The following RORB variants were observed in gnomAD, a reference collection of about 807,000 sequenced individuals.
RORB encodes nuclear receptor ROR-beta.
In RORB, 6 loss-of-function variants were observed where a neutral mutation model predicts 59.1. The ratio of observed to expected loss-of-function variants is 0.10; its 90% CI spans 0.06 to 0.20. The LOEUF (loss-of-function observed/expected upper bound fraction) is 0.20, where lower values mean the gene tolerates loss of function less well. Among genes scored for constraint, RORB ranks in the 10% least tolerant of loss-of-function variants. The pLI, the probability that RORB is intolerant of heterozygous loss-of-function variation, is 1.00. For synonymous variants in RORB, 215 were observed against 204.5 expected, an observed-to-expected ratio of 1.05 and a Z score of -0.44; for missense variants, 320 against 560.5, an observed-to-expected ratio of 0.57 and a Z score of 4.33.
At chr9:74,584,950 C>T (rs1004818293) in intron 1 of RORB, among the ~76,000 whole-genome samples, 1 of 152,124 alleles carries the variant, frequency 6.6e-6, no homozygotes, top group African/African-American at 2.4e-5. Context: ...AAAACAAATG[C>T]TATGGAATGT....
At chr9:74,565,072 A>G (rs1822449265) in intron 1 of RORB, among the ~76,000 whole-genome samples, 2 of 152,216 alleles carry the variant, frequency 1.3e-5, no homozygotes, top group South Asian at 2.1e-4. Flanking sequence ...GAAAACAAGC[A>G]TCTCTTTAAA....
intron 6 of RORB, among the ~76,000 whole-genome samples, chr9:74,663,418 T>C (rs1236152477): frequency 1.3e-5 from 2 of 152,160 alleles, no homozygotes; most frequent in African/African-American, 4.8e-5. Flanking sequence ...CTACATTCAA[T>C]ATTACAAAAC....
chr9:74,653,724 G>C lies in RORB; in HGVS notation c.638-6893G>C, dbSNP rs73650030. On this transcript the variant is annotated intron_variant, in intron 4 of 9. Transcript: ENST00000376896. ...TATACTCAACTTTCCCCACTCCCAG[G>C]ATGTGGCATTCTAATGAAACTACCC... Among the ~76,000 whole-genome samples the C allele has an allele frequency of 6.4e-3, 968 of 152,212 alleles. 12 individuals are homozygous for C. The highest frequency in any genetic ancestry group is 0.022 in the African/African-American group (914 of 41,516).
At chr9:74,506,894 T>C (rs1338632786) in intron 1 of RORB, among the ~76,000 whole-genome samples, 3 of 152,114 alleles carry the variant, frequency 2.0e-5, no homozygotes, top group Non-Finnish European at 4.4e-5. Context: ...GATAACATAG[T>C]GGCTATGGTA....
intron 1 of RORB, among the ~76,000 whole-genome samples, chr9:74,614,570 T>C (rs564500766): frequency 2.0e-4 from 31 of 152,118 alleles, no homozygotes; most frequent in African/African-American, 6.7e-4. Flanking sequence ...ATGTTGTATA[T>C]TTTAAATATA....
At position 74,688,504 on chromosome 9, in the gene RORB, G is replaced by T. The variant is rs979273392; in HGVS notation, c.*2886G>T. 2.0e-5 allele frequency: 3 copies of T among 151,832 alleles called. No homozygotes were observed. Among genetic ancestry groups the T allele is most frequent in the African/African-American group, 7.3e-5 (3 of 41,282 alleles). The allele number at this position is 151,832 out of a possible 1,614,324, so 9.4% of individuals were successfully genotyped here. A position where few individuals can be genotyped will look rare whatever the true frequency, so the allele number is the denominator to read the frequency against. ...ACTGGAAGAAAAAATCCACAATCTG[G>T]GCTTCTCACTTCGTGCTTCATAAAT... On this transcript the variant is annotated 3_prime_UTR_variant, in exon 10 of 10. Coordinates refer to ENST00000376896, the MANE Select transcript of RORB (RefSeq NM_006914.4).
At chr9:74,522,373 C>A (rs916992373) in intron 1 of RORB, among the ~76,000 whole-genome samples, 21 of 151,662 alleles carry the variant, frequency 1.4e-4, no homozygotes, top group Admixed American at 5.3e-4. Flanking sequence ...CAAAATCTTA[C>A]AAGCATTAGA....
chr9:74,603,868 C>T (rs901009019), intron 1 of RORB, among the ~76,000 whole-genome samples: 13 of 152,112 alleles, frequency 8.5e-5, no homozygotes, highest in African/African-American at 1.4e-4. Flanking sequence ...GTGGGCTAAG[C>T]GGACTGTGAG....
intron 1 of RORB, among the ~76,000 whole-genome samples, chr9:74,602,214 G>A (rs1367354153): frequency 6.6e-6 from 1 of 152,140 alleles, no homozygotes; most frequent in African/African-American, 2.4e-5. Flanking sequence ...TTTTTGCTGG[G>A]ACTTTGTGCT....
chr9:74,658,830 A>G (rs976945925), intron 4 of RORB, among the ~76,000 whole-genome samples: 2 of 152,218 alleles, frequency 1.3e-5, no homozygotes, highest in East Asian at 3.8e-4. Context: ...ATGTTCAATT[A>G]AACTTTGAAT....
At chr9:74,580,297 G>C (rs1429193216) in intron 1 of RORB, among the ~76,000 whole-genome samples, 2 of 152,168 alleles carry the variant, frequency 1.3e-5, no homozygotes, top group African/African-American at 2.4e-5. Context: ...GTGACACAGA[G>C]AATCTCCAAA....
chr9:74,682,075 A>T (rs762945511), intron 9 of RORB, among the ~76,000 whole-genome samples: 2 of 152,014 alleles, frequency 1.3e-5, no homozygotes, highest in Non-Finnish European at 2.9e-5. Context: ...AGGAAGAGAG[A>T]TATCTCAGAC....
chr9:74,538,760 T>C (rs1587349358), intron 1 of RORB, among the ~76,000 whole-genome samples: 1 of 146,252 alleles, frequency 6.8e-6, no homozygotes, highest in Non-Finnish European at 1.5e-5. Flanking sequence ...AAAGGAAGGG[T>C]TAAATAGTAA....
chr9:74,551,672 A>C (rs546916130), intron 1 of RORB, among the ~76,000 whole-genome samples: 1 of 152,230 alleles, frequency 6.6e-6, no homozygotes, highest in Non-Finnish European at 1.5e-5. Context: ...GTTATACAAT[A>C]TAATTAGAGA....
chr9:74,519,790 T>C (rs2118065016), intron 1 of RORB, among the ~76,000 whole-genome samples: 1 of 152,086 alleles, frequency 6.6e-6, no homozygotes, highest in South Asian at 2.1e-4. Flanking sequence ...TTAAATTAAA[T>C]GTGTCTTCCC....
intron 1 of RORB, among the ~76,000 whole-genome samples, chr9:74,513,974 G>A (rs986226376): frequency 1.3e-5 from 2 of 152,050 alleles, no homozygotes; most frequent in Non-Finnish European, 2.9e-5. Flanking sequence ...TTCAGCCATG[G>A]TTTTTCAGGT....
chr9:74,621,678 T>C (rs10781244), intron 1 of RORB, among the ~76,000 whole-genome samples: 63,250 of 152,102 alleles, frequency 0.42, 14,460 homozygotes, highest in East Asian at 0.76. Flanking sequence ...CCTTCCAAAG[T>C]GGGTGTACCA....
intron 1 of RORB, among the ~76,000 whole-genome samples, chr9:74,574,226 G>A (rs1822596429): frequency 6.6e-6 from 1 of 152,088 alleles, no homozygotes; most frequent in Non-Finnish European, 1.5e-5. Flanking sequence ...TACCTGATTA[G>A]CAAACAGATC....
At chr9:74,555,824 A>G (rs1320184067) in intron 1 of RORB, among the ~76,000 whole-genome samples, 1 of 152,222 alleles carries the variant, frequency 6.6e-6, no homozygotes. Flanking sequence ...TAGTTTGCAT[A>G]TGATGTCAGC....
Sources: gnomAD v4.1 joint callset for allele counts (sites outside exome capture counted in the v4.1 genomes callset) on GRCh38, gnomAD v4.1.1 for gene constraint, MANE v1.5 for transcripts, NCBI Gene and HGNC (gene_info 2026-07-23, HGNC 2026-07-21) for gene names.